The following PPFIBP1 variants were observed in gnomAD, a reference collection of about 807,000 sequenced individuals.
The protein encoded by PPFIBP1 is PPFIB scaffold protein 1, also known as liprin-beta-1.
PPFIBP1 carries 112 observed loss-of-function variants against 137.8 expected under a neutral mutation model. That is an observed-to-expected ratio of 0.81 (90% confidence interval 0.70 to 0.95). The LOEUF (loss-of-function observed/expected upper bound fraction) is 0.95. Among genes scored for constraint, PPFIBP1 ranks in the 40% least tolerant of loss-of-function variants. The pLI is 0.00. For synonymous variants in PPFIBP1, 378 were observed against 417.3 expected, an observed-to-expected ratio of 0.91 and a Z score of 1.15; for missense variants, 1,083 against 1,196.6, an observed-to-expected ratio of 0.91 and a Z score of 1.40.
chr12:27,594,007 C>T lies in PPFIBP1; in HGVS notation c.-36+15768C>T, dbSNP rs1173603935. 5.9e-6 allele frequency: 8 copies of T among 1,348,372 alleles called. No homozygotes were observed. In the Admixed American group the frequency reaches 2.1e-4, roughly 35 times the overall value. The allele number at this position is 1,348,372 out of a possible 1,614,324, so 83.5% of individuals were successfully genotyped here. ...TGGAATTGGATTTGGAGCTGTCGTC[C>T]TCTATGTCGCTGTTAGAGGATGAAT... On this transcript the variant is annotated intron_variant, in intron 2 of 29. Transcript: ENST00000228425.
Position 27,635,119 on chromosome 12 carries a change from G to A in PPFIBP1, c.270+4G>A. 2 of 1,613,918 alleles carry A rather than the reference G, an allele frequency of 1.2e-6. No homozygotes were observed. Among genetic ancestry groups the A allele is most frequent in the Non-Finnish European group, 1.7e-6 (2 of 1,179,802 alleles). On this transcript the variant is annotated splice_donor_region_variant and intron_variant, in intron 4 of 29. Coordinates refer to ENST00000228425, the MANE Select transcript of PPFIBP1 (RefSeq NM_003622.4). ...TGAATGGCTTCAGAGTCAAATGGTA[G>A]GGTCTGCCTGTTCCAAATTCTGTTA...
chr12:27,632,705 A>G (rs1207657266), intron 2 of PPFIBP1, among the ~76,000 whole-genome samples: 1 of 152,132 alleles, frequency 6.6e-6, no homozygotes, highest in Non-Finnish European at 1.5e-5. Context: ...TTTTATCCTC[A>G]TTTATAAAAT....
At chr12:27,561,879 CA>C (rs1444607238) in intron 1 of PPFIBP1, among the ~76,000 whole-genome samples, 1 of 150,780 alleles carries the variant, frequency 6.6e-6, no homozygotes, top group Admixed American at 6.6e-5. Flanking sequence ...CCCATCTGTA[CA>C]AAAAAAAATT....
At chr12:27,559,870 G>T (rs2049018080) in intron 1 of PPFIBP1, among the ~76,000 whole-genome samples, 1 of 152,210 alleles carries the variant, frequency 6.6e-6, no homozygotes, top group Non-Finnish European at 1.5e-5. Flanking sequence ...GGGGTAAGTT[G>T]ACATTTTCTA....
At chr12:27,526,878 A>G (rs1377138045) in intron 1 of PPFIBP1, among the ~76,000 whole-genome samples, 1 of 152,176 alleles carries the variant, frequency 6.6e-6, no homozygotes, top group Non-Finnish European at 1.5e-5. Flanking sequence ...ATCTGGCCTT[A>G]ATGGATAAAT....
chr12:27,670,524 A>G (rs1452968663), intron 13 of PPFIBP1, among the ~76,000 whole-genome samples: 1 of 152,172 alleles, frequency 6.6e-6, no homozygotes, highest in East Asian at 1.9e-4. Flanking sequence ...TCATGCCTGT[A>G]ATCCCACTTT....
intron 24 of PPFIBP1, 32 bp downstream of exon 24, chr12:27,682,735 GA>G: frequency 6.2e-7 from 1 of 1,612,812 alleles, no homozygotes; most frequent in Non-Finnish European, 8.5e-7. Context: ...TTTGGGGGAG[GA>G]AAACTTTTTT....
At position 27,674,202 on chromosome 12, in the gene PPFIBP1, C is replaced by G. The variant is rs758253976; in HGVS notation, c.1391C>G (p.Thr464Ser). 6.3e-7 allele frequency: 1 copy of G among 1,594,856 alleles called. No homozygotes were observed. ...TATTGCTTTGAACAGGAAAAGGAAA[C>G]TATTCAGAAGACTTCAGAGGTAACT... is the stretch of plus-strand genomic sequence containing the variant. ...KKETSDGEKE[T>S]IQKTSEDRAP... The change falls in exon 17 of 30, where the codon ACT (threonine) becomes AGT (serine). Residue 464 changes from threonine to serine, a missense_variant. Thr to Ser is a moderately conservative substitution (Grantham distance 58, BLOSUM62 1). Coordinates refer to ENST00000228425, the MANE Select transcript of PPFIBP1 (RefSeq NM_003622.4).
intron 2 of PPFIBP1, among the ~76,000 whole-genome samples, chr12:27,578,997 G>A (rs1355552473): frequency 6.6e-6 from 1 of 152,218 alleles, no homozygotes; most frequent in Admixed American, 6.5e-5. Context: ...GTGCTTAGAT[G>A]CTTTTCCTGG....
At chr12:27,630,096 C>T in intron 2 of PPFIBP1, among the ~76,000 whole-genome samples, 1 of 151,522 alleles carries the variant, frequency 6.6e-6, no homozygotes, top group South Asian at 2.1e-4. Flanking sequence ...AGTTTTTTTT[C>T]CTACCTTACC....
chr12:27,619,175 C>T (rs1288240524), intron 2 of PPFIBP1, among the ~76,000 whole-genome samples: 3 of 151,938 alleles, frequency 2.0e-5, no homozygotes, highest in Non-Finnish European at 4.4e-5. Context: ...CCCACGACCT[C>T]CCACAGATAT....
intron 13 of PPFIBP1, among the ~76,000 whole-genome samples, chr12:27,668,319 T>G (rs1055212134): frequency 1.3e-5 from 2 of 152,148 alleles, no homozygotes; most frequent in African/African-American, 4.8e-5. Flanking sequence ...TCAAGGACAG[T>G]TATCTGCCCT....
At chr12:27,637,914 T>G (rs1471242710) in intron 4 of PPFIBP1, among the ~76,000 whole-genome samples, 1 of 152,208 alleles carries the variant, frequency 6.6e-6, no homozygotes, top group African/African-American at 2.4e-5. Context: ...TTTATGATCT[T>G]AAAATGGGTA....
intron 2 of PPFIBP1, among the ~76,000 whole-genome samples, chr12:27,624,357 C>G (rs184589357): frequency 3.3e-5 from 5 of 152,340 alleles, no homozygotes; most frequent in Admixed American, 3.3e-4. Context: ...TGGAGAATTG[C>G]AGCTTTCTTT....
chr12:27,597,318 G>A (rs566982412), intron 2 of PPFIBP1, among the ~76,000 whole-genome samples: 6 of 152,190 alleles, frequency 3.9e-5, no homozygotes, highest in African/African-American at 1.4e-4. Flanking sequence ...CAGGCGCCCA[G>A]CTAATTTTTG....
chr12:27,614,471 T>C (rs1341040019), intron 2 of PPFIBP1, among the ~76,000 whole-genome samples: 2 of 152,194 alleles, frequency 1.3e-5, no homozygotes, highest in African/African-American at 4.8e-5. Flanking sequence ...TAAGAAAAAC[T>C]TGGTGAGCTC....
chr12:27,555,150 T>C (rs2136263319), intron 1 of PPFIBP1, among the ~76,000 whole-genome samples: 1 of 152,276 alleles, frequency 6.6e-6, no homozygotes, highest in Non-Finnish European at 1.5e-5. Context: ...CAGAAAATAT[T>C]CGGGCTTTCA....
At chr12:27,535,388 GT>G (rs1374009239) in intron 1 of PPFIBP1, among the ~76,000 whole-genome samples, 3 of 151,544 alleles carry the variant, frequency 2.0e-5, no homozygotes, top group African/African-American at 4.8e-5. Context: ...ATACAATGTT[GT>G]TTTTGTTGTT....
intron 1 of PPFIBP1, among the ~76,000 whole-genome samples, chr12:27,551,058 A>G (rs1036351557): frequency 1.3e-5 from 2 of 151,550 alleles, no homozygotes; most frequent in Non-Finnish European, 2.9e-5. Flanking sequence ...TAAAGAGAAA[A>G]CTGAAACAAA....
Sources: gnomAD v4.1 joint callset for allele counts (sites outside exome capture counted in the v4.1 genomes callset) on GRCh38, gnomAD v4.1.1 for gene constraint, MANE v1.5 for transcripts, NCBI Gene and HGNC (gene_info 2026-07-23, HGNC 2026-07-21) for gene names.